Variants in XAF1 observed in about 807,000 individuals in gnomAD.
XAF1 encodes the protein XIAP associated factor 1.
In XAF1, 32 loss-of-function variants were observed where a neutral mutation model predicts 32.3. The ratio of observed to expected loss-of-function variants is 0.99; its 90% CI spans 0.75 to 1.33. The LOEUF (loss-of-function observed/expected upper bound fraction) is 1.33. XAF1 is among the 40% of genes most tolerant of loss of function. The pLI is 0.00. For synonymous variants in XAF1, 120 were observed against 125.9 expected (o/e 0.95, Z 0.31); for missense variants, 379 against 366.0 (o/e 1.04, Z -0.29).
At chr17:6,771,962 T>A (rs1976065355) in intron 6 of XAF1, 1 of 152,222 alleles carries the variant, frequency 6.6e-6, no homozygotes, top group Admixed American at 6.5e-5. Context: ...TTTCCACACA[T>A]ATTATCTTAC....
chr17:6,761,175 A>T (rs1463412611), intron 4 of XAF1, among the ~76,000 whole-genome samples: 5 of 151,994 alleles, frequency 3.3e-5, no homozygotes, highest in African/African-American at 1.2e-4. Context: ...GGGGGGGACC[A>T]TGGGGAGTCC....
chr17:6,768,358 C>G (rs1286158365), intron 5 of XAF1, among the ~76,000 whole-genome samples: 1 of 152,060 alleles, frequency 6.6e-6, no homozygotes, highest in East Asian at 1.9e-4. Flanking sequence ...CCTGACCTCA[C>G]ATAATCTGCC....
At position 6,762,216 on chromosome 17, in the gene XAF1, A is replaced by T; in HGVS notation, c.483A>T (p.Pro161=). ...GTCATTATTGCAACCAAATGATTCC[A>T]GAAAATAAGTATTTCCACCATATGG... The part of the protein sequence containing the change: ...IYCHYCNQMI[P]ENKYFHHMGK... Residue 161 remains proline (P), a synonymous_variant, in exon 5 of 7, where the codon CCA becomes CCT. Transcript: ENST00000361842. 6.2e-7 allele frequency: 1 copy of T among 1,613,284 alleles called. No homozygotes were observed. Among genetic ancestry groups the T allele is most frequent in the Non-Finnish European group, 8.5e-7 (1 of 1,179,664 alleles).
At chr17:6,770,219 T>C (rs2151558253) in intron 5 of XAF1, among the ~76,000 whole-genome samples, 1 of 152,332 alleles carries the variant, frequency 6.6e-6, no homozygotes, top group Admixed American at 6.5e-5. Flanking sequence ...GGCACCACCA[T>C]TTGGTGTCTG....
At chr17:6,756,243 C>G in intron 1 of XAF1, 133 bp downstream of exon 1, 129 of 1,329,960 alleles carry the variant, frequency 9.7e-5, no homozygotes, top group East Asian at 4.3e-4. Flanking sequence ...AGCTGGAGAC[C>G]GTGGGCCCCA....
At chr17:6,755,967 T>G (rs2151520172), upstream of XAF1, 1 of 1,593,800 alleles carries the variant, frequency 6.3e-7, no homozygotes, top group South Asian at 1.1e-5. Context: ...CCGAGAATTC[T>G]GAAGATCTCC....
intron 2 of XAF1, chr17:6,758,967 G>A (rs574360594): frequency 3.8e-6 from 1 of 264,140 alleles, no homozygotes; most frequent in Non-Finnish European, 7.1e-6. Context: ...CAGGTGAGAT[G>A]GGGTCTGGGA....
chr17:6,773,056 A>G lies in XAF1; in HGVS notation c.850-57A>G. On this transcript the variant is annotated intron_variant, in intron 6 of 6. Coordinates refer to ENST00000361842, the MANE Select transcript of XAF1 (RefSeq NM_017523.5). ...GGACAGCAATATCCAGAGATATTCT[A>G]GGAGCTAGCACTTCTTACTTTAACC... 3 of 1,424,570 alleles carry G rather than the reference A, an allele frequency of 2.1e-6. No individual in the cohort carries two copies. In the South Asian group the frequency reaches 3.6e-5, roughly 17 times the overall value. The allele number at this position is 1,424,570 out of a possible 1,614,324, so 88.2% of individuals were successfully genotyped here.
rs1235626771 is a variant in XAF1 at position 6,761,756 on chromosome 17, C to T, written c.422-399C>T. 3.8e-6 allele frequency: 4 copies of T among 1,062,110 alleles called. No homozygotes were observed. The East Asian group carries it at 2.3e-4, about 62-fold the overall frequency. 65.8% of individuals were successfully genotyped at this position (1,062,110 alleles called of 1,614,324 possible). A position where few individuals can be genotyped will look rare whatever the true frequency, so the allele number is the denominator to read the frequency against. On this transcript the variant is annotated intron_variant, in intron 4 of 6. Transcript: ENST00000361842. ...ACAACACAACACAACACAGCTTCAA[C>T]ACTGTCAACAAAAATGTGTTCAACC...
intron 5 of XAF1, among the ~76,000 whole-genome samples, chr17:6,765,305 C>T (rs541557881): frequency 6.6e-6 from 1 of 151,916 alleles, no homozygotes; most frequent in African/African-American, 2.4e-5. Flanking sequence ...CCCAGCTACT[C>T]GGGAGGCTGA....
chr17:6,763,918 A>G (rs546094401), intron 5 of XAF1, among the ~76,000 whole-genome samples: 10 of 152,290 alleles, frequency 6.6e-5, no homozygotes, highest in African/African-American at 2.2e-4. Context: ...ATTCGATCCT[A>G]TAAGTGGTCC....
chr17:6,762,070 A>C lies in XAF1; in HGVS notation c.422-85A>C, dbSNP rs572789977. ...CGGGGGGCAGTTCGTGCTCATGAGC[A>C]CAGGCCATGTATGCAGTTGTGGGAG... On this transcript the variant is annotated intron_variant, in intron 4 of 6. Transcript: ENST00000361842. The C allele has an allele frequency of 6.1e-5, 98 of 1,602,584 alleles. No homozygotes were observed. In the Admixed American group the frequency reaches 1.1e-3, roughly 19 times the overall value.
chr17:6,760,495 T>A lies in XAF1; in HGVS notation c.315T>A (p.Cys105Ter), dbSNP rs1394819858. The change falls in exon 4 of 7, where the codon TGT becomes TGA. Residue 105 changes from cysteine (C) to a stop codon, truncating the protein, a stop_gained. Coordinates refer to ENST00000361842, the MANE Select transcript of XAF1 (RefSeq NM_017523.5). LOFTEE classifies it high-confidence loss of function. Reference sequence around the variant, plus strand: ...AGCTGGAGCTCCACGAGTCCTACTGTGGCAGCCGGACAGAGCTCTGCCAAG... The same window carrying A: ...AGCTGGAGCTCCACGAGTCCTACTGAGGCAGCCGGACAGAGCTCTGCCAAG... Reference protein sequence around the residue: ...LSKLELHESYCGSRTELCQGC... With the variant: ...LSKLELHESY The A allele has an allele frequency of 6.2e-7, 1 of 1,613,298 alleles. No homozygotes were observed. Among genetic ancestry groups the A allele is most frequent in the Non-Finnish European group, 8.5e-7 (1 of 1,179,854 alleles).
chr17:6,760,622 G>A (rs181393096), intron 4 of XAF1, 21 bp downstream of exon 4: 50 of 1,595,552 alleles, frequency 3.1e-5, no homozygotes, highest in Middle Eastern at 2.2e-4. Context: ...AAACTGGGGT[G>A]GAAGAGAGAC....
chr17:6,769,677 T>C (rs1975875839), intron 5 of XAF1, among the ~76,000 whole-genome samples: 2 of 152,196 alleles, frequency 1.3e-5, no homozygotes, highest in Admixed American at 6.5e-5. Flanking sequence ...GGATCCTCTA[T>C]GACCTATTTT....
chr17:6,760,436 T>A lies in XAF1; in HGVS notation c.256T>A (p.Cys86Ser). Residue 86 changes from cysteine to serine, a missense_variant, in exon 4 of 7, where the codon TGT becomes AGT. Coordinates refer to ENST00000361842, the MANE Select transcript of XAF1 (RefSeq NM_017523.5). ...TGAGTGCCAGGAGCGCCCTGTTGAG[T>A]GTAAGTTCTGCAAACTGGACATGCA... ...ANECQERPVE[C>S]KFCKLDMQLS... 1 of 1,611,306 alleles carries A rather than the reference T, an allele frequency of 6.2e-7. No individual in the cohort carries two copies. Among genetic ancestry groups the A allele is most frequent in the Non-Finnish European group, 8.5e-7 (1 of 1,179,392 alleles).
chr17:6,773,052 T>C lies in XAF1; in HGVS notation c.850-61T>C, dbSNP rs1976172738. The C allele has an allele frequency of 2.1e-6, 3 of 1,411,306 alleles. No individual in the cohort carries two copies. In the South Asian group the frequency reaches 3.7e-5, roughly 17 times the overall value. The allele number at this position is 1,411,306 out of a possible 1,614,324, so 87.4% of individuals were successfully genotyped here. On this transcript the variant is annotated intron_variant, in intron 6 of 6. Transcript: ENST00000361842. ...CAAGGGACAGCAATATCCAGAGATATTCTAGGAGCTAGCACTTCTTACTTT... is the reference window on the plus strand; with the variant it reads ...CAAGGGACAGCAATATCCAGAGATACTCTAGGAGCTAGCACTTCTTACTTT...
rs375135291 is a variant in XAF1 at position 6,767,387 on chromosome 17, G to A, written c.508-3256G>A. Reference sequence around the variant, plus strand: ...AAGGTTGATTTCTTTGAAATCAGCCGAAGAAGATTACAAGCAAAGGAATGG... The same window carrying A: ...AAGGTTGATTTCTTTGAAATCAGCCAAAGAAGATTACAAGCAAAGGAATGG... On this transcript the variant is annotated intron_variant, in intron 5 of 6. Transcript: ENST00000361842. 4.2e-4 allele frequency among the ~76,000 whole-genome samples: 64 copies of A among 152,192 alleles called. 1 individual carries two copies. Among genetic ancestry groups the A allele is most frequent in the Middle Eastern group, 6.8e-3 (2 of 294 alleles).
chr17:6,766,758 C>T (rs913991236), intron 5 of XAF1, among the ~76,000 whole-genome samples: 3 of 152,174 alleles, frequency 2.0e-5, no homozygotes, highest in Non-Finnish European at 2.9e-5. Context: ...ACTAAATCAT[C>T]CCTAAAATTC....
Sources: allele counts gnomAD v4.1 joint callset (sites outside exome capture counted in the v4.1 genomes callset), GRCh38; gene constraint gnomAD v4.1.1; transcripts MANE v1.5; gene names NCBI Gene and HGNC (gene_info 2026-07-23, HGNC 2026-07-21).